The following SKAP2 variants were observed in gnomAD, a reference collection of about 807,000 sequenced individuals.
SKAP2 encodes src kinase associated phosphoprotein 2, also known as src kinase-associated phosphoprotein 2.
In SKAP2, 28 loss-of-function variants were observed where a neutral mutation model predicts 54.9. The ratio of observed to expected loss-of-function variants is 0.51; its 90% confidence interval spans 0.38 to 0.70. The LOEUF is 0.70. Among genes scored for constraint, SKAP2 ranks in the 30% least tolerant of loss-of-function variants. The probability of loss-of-function intolerance (pLI) is 0.00; values close to 1 mark genes in which losing one functional copy is unlikely to be tolerated. For synonymous variants in SKAP2, 137 were observed against 134.3 expected (o/e 1.02, Z -0.14); for missense variants, 356 against 424.1 (o/e 0.84, Z 1.41).
chr7:26,812,107 C>G (rs148271949), intron 4 of SKAP2, among the ~76,000 whole-genome samples: 1,786 of 152,242 alleles, frequency 0.012, 15 homozygotes, highest in Middle Eastern at 0.017. Flanking sequence ...ACCGAAATTG[C>G]AAAGGGACAG....
chr7:26,859,447 C>T (rs1171377674), intron 1 of SKAP2, among the ~76,000 whole-genome samples: 1 of 152,172 alleles, frequency 6.6e-6, no homozygotes, highest in Non-Finnish European at 1.5e-5. Context: ...TGATGTCTTT[C>T]CCTGATTACT....
chr7:26,813,817 G>T (rs1322654081), intron 4 of SKAP2, among the ~76,000 whole-genome samples: 1 of 152,152 alleles, frequency 6.6e-6, no homozygotes, highest in African/African-American at 2.4e-5. Flanking sequence ...CTTCACAGAG[G>T]TTATTTTAAA....
chr7:26,670,755 C>CA lies in SKAP2; in HGVS notation c.988-564dup, dbSNP rs1282511118. On this transcript the variant is annotated intron_variant, in intron 11 of 12. Coordinates refer to ENST00000345317, the MANE Select transcript of SKAP2 (RefSeq NM_003930.5). ...GAGAATACGGAAACACTAATAATAC[C>CA]AAAAAACTGCTTAAAAAATAATTCA... Among the ~76,000 whole-genome samples, 3 of 151,834 alleles carry CA rather than the reference C, an allele frequency of 2.0e-5. No individual in the cohort carries two copies. The East Asian group carries it at 5.8e-4, about 29-fold the overall frequency.
At chr7:26,765,573 GT>G (rs1783034163) in intron 4 of SKAP2, among the ~76,000 whole-genome samples, 1 of 152,120 alleles carries the variant, frequency 6.6e-6, no homozygotes, top group South Asian at 2.1e-4. Flanking sequence ...TGTTGCCTAG[GT>G]TTTCTTCGAG....
chr7:26,851,598 G>A (rs1311198845), intron 3 of SKAP2, among the ~76,000 whole-genome samples: 1 of 151,970 alleles, frequency 6.6e-6, no homozygotes, highest in Admixed American at 6.6e-5. Flanking sequence ...GATAGCATTA[G>A]GAGATATACC....
chr7:26,842,548 T>C (rs1584421831), intron 4 of SKAP2, among the ~76,000 whole-genome samples: 1 of 151,900 alleles, frequency 6.6e-6, no homozygotes, highest in Admixed American at 6.6e-5. Context: ...ATCAAAATGT[T>C]TATGCTATTT....
Position 26,739,919 on chromosome 7 carries a change from A to G in SKAP2, c.353T>C (p.Leu118Pro). 6.2e-7 allele frequency: 1 copy of G among 1,612,272 alleles called. No homozygotes were observed. Among genetic ancestry groups the G allele is most frequent in the Non-Finnish European group, 8.5e-7 (1 of 1,179,316 alleles). The change falls in exon 5 of 13, where the codon CTA becomes CCA. Residue 118 changes from leucine to proline, a missense_variant. Leu to Pro is a moderately conservative substitution (Grantham distance 98). Transcript: ENST00000345317. ...GCGTTTTTCAAGGTAGCCAGCCTTT[A>G]GAACAAAAGGAAGGTCTTGTGCTGC... ...PIAAQDLPFV[L>P]KAGYLEKRRK...
At chr7:26,664,144 A>G (rs1211268672), downstream of SKAP2, among the ~76,000 whole-genome samples, 2 of 152,152 alleles carry the variant, frequency 1.3e-5, no homozygotes, top group Non-Finnish European at 2.9e-5. Context: ...ACAGTGTTCA[A>G]TTCAGGGCAA....
intron 1 of SKAP2, among the ~76,000 whole-genome samples, chr7:26,856,962 TAA>T (rs1235133167): frequency 7.1e-6 from 1 of 140,562 alleles, no homozygotes; most frequent in Non-Finnish European, 1.6e-5. Flanking sequence ...TTCAGTTTTA[TAA>T]AAATTCAGAA....
At chr7:26,779,438 A>G (rs1471418908) in intron 4 of SKAP2, among the ~76,000 whole-genome samples, 3 of 152,020 alleles carry the variant, frequency 2.0e-5, no homozygotes, top group Non-Finnish European at 4.4e-5. Flanking sequence ...ACTCAATGAA[A>G]TTTAATAAAG....
intron 4 of SKAP2, among the ~76,000 whole-genome samples, chr7:26,774,869 G>A (rs571611643): frequency 2.0e-5 from 3 of 152,156 alleles, no homozygotes; most frequent in South Asian, 4.2e-4. Context: ...GGAACAGCCC[G>A]GTAACTGATG....
chr7:26,791,853 T>G (rs983079615), intron 4 of SKAP2, among the ~76,000 whole-genome samples: 1 of 152,166 alleles, frequency 6.6e-6, no homozygotes, highest in African/African-American at 2.4e-5. Flanking sequence ...TTCCACTCCA[T>G]AGAGATTTGA....
intron 4 of SKAP2, among the ~76,000 whole-genome samples, chr7:26,741,822 G>GTTT (rs554334194): frequency 2.1e-5 from 3 of 146,074 alleles, no homozygotes; most frequent in African/African-American, 7.5e-5. Flanking sequence ...AATTTTACCA[G>GTTT]TTTTTTTTTT....
chr7:26,778,511 C>T (rs892419623), intron 4 of SKAP2, among the ~76,000 whole-genome samples: 5 of 152,022 alleles, frequency 3.3e-5, no homozygotes, highest in African/African-American at 1.2e-4. Context: ...AACTGATGGA[C>T]ATATTTCTAT....
intron 3 of SKAP2, among the ~76,000 whole-genome samples, chr7:26,850,029 T>G (rs1208695420): frequency 6.6e-6 from 1 of 152,316 alleles, no homozygotes; most frequent in Non-Finnish European, 1.5e-5. Flanking sequence ...ATAGCCCAAA[T>G]TTTTTTATCA....
chr7:26,748,465 T>A (rs1782604973), intron 4 of SKAP2, among the ~76,000 whole-genome samples: 1 of 152,094 alleles, frequency 6.6e-6, no homozygotes, highest in African/African-American at 2.4e-5. Context: ...TAGGGCACCC[T>A]CTGTGTTTTT....
At chr7:26,800,387 T>C (rs1380877375) in intron 4 of SKAP2, among the ~76,000 whole-genome samples, 2 of 152,094 alleles carry the variant, frequency 1.3e-5, no homozygotes, top group Non-Finnish European at 2.9e-5. Flanking sequence ...CAGAAGGACA[T>C]TTATAGCTAT....
intron 4 of SKAP2, among the ~76,000 whole-genome samples, chr7:26,842,437 A>T (rs1458144387): frequency 1.3e-5 from 2 of 151,834 alleles, no homozygotes; most frequent in African/African-American, 4.8e-5. Flanking sequence ...TACTTTTTCT[A>T]ACAAGCTACT....
At chr7:26,697,806 T>G (rs1786928144) in intron 9 of SKAP2, among the ~76,000 whole-genome samples, 1 of 152,184 alleles carries the variant, frequency 6.6e-6, no homozygotes, top group South Asian at 2.1e-4. Flanking sequence ...TAGGCTACCT[T>G]TATTCAGCTA....
Sources: gnomAD v4.1 joint callset for allele counts (sites outside exome capture counted in the v4.1 genomes callset) on GRCh38, gnomAD v4.1.1 for gene constraint, MANE v1.5 for transcripts, NCBI Gene and HGNC (gene_info 2026-07-23, HGNC 2026-07-21) for gene names.